ANKRD26: variants seen among roughly 807,000 people sequenced by gnomAD.
ANKRD26 encodes the protein ankyrin repeat domain 26, also known as ankyrin repeat domain-containing protein 26.
In ANKRD26, 141 loss-of-function variants were observed where a neutral mutation model predicts 208.7. That is an observed-to-expected ratio of 0.68 (90% CI 0.59 to 0.78). The LOEUF (loss-of-function observed/expected upper bound fraction) is 0.78, where lower values mean the gene tolerates loss of function less well. Among genes scored for constraint, ANKRD26 ranks in the 30% least tolerant of loss-of-function variants. ANKRD26 has a pLI of 0.00. For synonymous variants in ANKRD26, 636 were observed against 660.4 expected (o/e 0.96, Z 0.57); for missense variants, 1,889 against 1,938.7 (o/e 0.97, Z 0.48).
At position 27,024,447 on chromosome 10, in the gene ANKRD26, C is replaced by A; in HGVS notation, c.4085G>T (p.Gly1362Val). ...ATGATCTGAAATATTAAAATCTTAC[C>A]CAGTTATCTCTCTTTCTAATTCAAC... is the stretch of plus-strand genomic sequence containing the variant. ...KNVELEREITGFKNLLKMTRK... is the reference protein window; with the variant it reads ...KNVELEREITVFKNLLKMTRK... The change falls in exon 28 of 34, where the codon GGA (glycine) becomes GTA (valine). Residue 1362 changes from glycine (G) to valine (V), a missense_variant and splice_region_variant. Gly to Val is a moderately radical substitution (Grantham distance 109, BLOSUM62 -3). This residue lies in a region of ANKRD26 where 613 missense variants were observed against 648.2 expected (regional missense o/e 0.95). Coordinates refer to ENST00000376087, the MANE Select transcript of ANKRD26 (RefSeq NM_014915.3). 4 of 1,431,956 alleles carry A rather than the reference C, an allele frequency of 2.8e-6. No individual in the cohort carries two copies. Among genetic ancestry groups the A allele is most frequent in the Non-Finnish European group, 3.9e-6 (4 of 1,022,850 alleles). 88.7% of individuals were successfully genotyped at this position (1,431,956 alleles called of 1,614,324 possible).
In ANKRD26 at chr10:27,005,330, G is replaced by A. The variant is rs1030371894; in HGVS notation, c.*260C>T. 3.5e-6 allele frequency: 4 copies of A among 1,153,554 alleles called. No homozygotes were observed. The highest frequency in any genetic ancestry group is 4.3e-6 in the Non-Finnish European group (4 of 933,476). The allele number at this position is 1,153,554 out of a possible 1,614,324, so 71.5% of individuals were successfully genotyped here. On this transcript the variant is annotated 3_prime_UTR_variant, in exon 34 of 34. Transcript: ENST00000376087. ...CAATTAACTGCACTAAAGTATTAAT[G>A]ACAACTTAGTGGTTTGGCTGTTTAA... is the stretch of plus-strand genomic sequence containing the variant.
intron 20 of ANKRD26, 34 bp downstream of exon 20, chr10:27,043,392 A>T (rs1254855566): frequency 6.2e-7 from 1 of 1,606,794 alleles, no homozygotes; most frequent in Admixed American, 1.7e-5. Flanking sequence ...AATGGGATAC[A>T]TAAAAAGGCC....
At chr10:27,073,007 C>T (rs1589336434) in intron 9 of ANKRD26, among the ~76,000 whole-genome samples, 1 of 152,174 alleles carries the variant, frequency 6.6e-6, no homozygotes, top group East Asian at 1.9e-4. Flanking sequence ...TGGCAGCCCA[C>T]TGGGTGGCTA....
Position 27,080,905 on chromosome 10 carries a change from T to C in ANKRD26, c.741-1744A>G, listed in dbSNP as rs143633375. ...TCCTACCCCTGCCCTACCCTACATG[T>C]CCATGAGAAGGACATCAGAGAATTG... On this transcript the variant is annotated intron_variant, in intron 6 of 33. Coordinates refer to ENST00000376087, the MANE Select transcript of ANKRD26 (RefSeq NM_014915.3). The C allele has an allele frequency of 1.3e-4, 126 of 985,296 alleles. No individual in the cohort carries two copies. In the African/African-American group the frequency reaches 2.0e-3, roughly 16 times the overall value. The allele number at this position is 985,296 out of a possible 1,614,324, so 61.0% of individuals were successfully genotyped here.
At position 27,050,733 on chromosome 10, in the gene ANKRD26, C is replaced by T. The variant is rs951200735; in HGVS notation, c.1636-1754G>A. 3.9e-5 allele frequency among the ~76,000 whole-genome samples: 6 copies of T among 151,952 alleles called. No individual in the cohort carries two copies. The East Asian group carries it at 1.2e-3, about 29-fold the overall frequency. On this transcript the variant is annotated intron_variant, in intron 16 of 33. Coordinates refer to ENST00000376087, the MANE Select transcript of ANKRD26 (RefSeq NM_014915.3). ...TCTTTAAGAAAATAGGGAAAAAAAC[C>T]CTAGCACTTATTACCTTTCATAAGG...
At chr10:27,043,177 G>T (rs1226124880) in intron 20 of ANKRD26, among the ~76,000 whole-genome samples, 1 of 123,140 alleles carries the variant, frequency 8.1e-6, no homozygotes, top group Non-Finnish European at 1.8e-5. Flanking sequence ...AAATTAAAAT[G>T]AAAAAAAAAA....
At chr10:26,961,889 C>T in the ANKRD26 span, among the ~76,000 whole-genome samples, 2 of 152,252 alleles carry the variant, frequency 1.3e-5, no homozygotes, top group South Asian at 2.1e-4. Context: ...TGTTCAAATA[C>T]ATGCTGGTGA....
At chr10:27,039,089 TAG>T (rs1483311269) in intron 21 of ANKRD26, among the ~76,000 whole-genome samples, 2 of 152,234 alleles carry the variant, frequency 1.3e-5, no homozygotes. Flanking sequence ...ATCTGTGTAT[TAG>T]AGAGAGATCA....
downstream of ANKRD26, among the ~76,000 whole-genome samples, chr10:26,970,642 T>G (rs1382489790): frequency 6.6e-6 from 1 of 152,212 alleles, no homozygotes; most frequent in Admixed American, 6.5e-5. Flanking sequence ...TATTTCCTTA[T>G]AGCAATGCAA....
At chr10:26,992,303 A>G (rs1007509497) in intron 5 of ANKRD26, among the ~76,000 whole-genome samples, 3 of 152,044 alleles carry the variant, frequency 2.0e-5, no homozygotes, top group African/African-American at 7.2e-5. Context: ...AGAATTTTAG[A>G]GGTAAATAAG....
chr10:27,079,109 C>T lies in ANKRD26; in HGVS notation c.793G>A (p.Asp265Asn), dbSNP rs61730101. The T allele has an allele frequency of 3.5e-3, 5,718 of 1,613,576 alleles. 167 individuals carry two copies. In the African/African-American group the frequency reaches 0.061, roughly 17 times the overall value. ...TTTACCTTAGTATCAAAATTGAGGTCTTCGTCATCTGAGGTAGGCCATGAA... is the reference window on the plus strand; with the variant it reads ...TTTACCTTAGTATCAAAATTGAGGTTTTCGTCATCTGAGGTAGGCCATGAA... ...DDSWPTSDDE[D>N]LNFDTKNVPK... Residue 265 changes from aspartate (D) to asparagine (N), a missense_variant, in exon 7 of 34, where the codon GAC becomes AAC. Coordinates refer to ENST00000376087, the MANE Select transcript of ANKRD26 (RefSeq NM_014915.3).
At chr10:27,078,523 G>A (rs1197592942) in intron 7 of ANKRD26, among the ~76,000 whole-genome samples, 1 of 152,052 alleles carries the variant, frequency 6.6e-6, no homozygotes, top group Non-Finnish European at 1.5e-5. Flanking sequence ...GTATACTAAG[G>A]CACACTGAGA....
intron 15 of ANKRD26, among the ~76,000 whole-genome samples, chr10:27,059,709 G>A (rs906653665): frequency 1.3e-5 from 2 of 151,866 alleles, no homozygotes; most frequent in East Asian, 1.9e-4. Flanking sequence ...TCAGGAGTTC[G>A]AGACCAGCCT....
chr10:27,092,467 G>C lies in ANKRD26; in HGVS notation c.577C>G (p.Gln193Glu). 6.2e-7 allele frequency: 1 copy of C among 1,613,608 alleles called. No homozygotes were observed. The highest frequency in any genetic ancestry group is 1.3e-5 in the African/African-American group (1 of 74,998). ...LLLAVSGKKQ[Q>E]MVEFLIKKKA... ...TTCTTTATTAAAAATTCCACCATTTGCTGCTTTTTTCCACTTACTGCAAGT... is the reference window on the plus strand; with the variant it reads ...TTCTTTATTAAAAATTCCACCATTTCCTGCTTTTTTCCACTTACTGCAAGT... Residue 193 changes from glutamine (Q) to glutamate (E), a missense_variant, in exon 4 of 34, where the codon CAA (glutamine) becomes GAA (glutamate). Transcript: ENST00000376087.
At chr10:27,045,730 G>A (rs1042906214) in intron 18 of ANKRD26, among the ~76,000 whole-genome samples, 3 of 151,996 alleles carry the variant, frequency 2.0e-5, no homozygotes, top group Non-Finnish European at 4.4e-5. Flanking sequence ...ATTCAGTATG[G>A]CCTATATGTT....
chr10:26,985,220 G>T (rs879388883), intron 3 of ANKRD26, among the ~76,000 whole-genome samples: 1 of 152,086 alleles, frequency 6.6e-6, no homozygotes. Flanking sequence ...CATGGAGGGG[G>T]TTTCCTGGGT....
rs11813140 is a variant in ANKRD26 at position 27,046,895 on chromosome 10, G to T, written c.1815-372C>A. Among the ~76,000 whole-genome samples, 1,361 of 152,128 alleles carry T rather than the reference G, an allele frequency of 8.9e-3. 17 individuals are homozygous for T. The highest frequency in any genetic ancestry group is 0.027 in the African/African-American group (1,108 of 41,502). ...AGAGACAAAATAGAGGAGTTCATGA[G>T]ACAAAAAATGGGAGAAAACCATTCT... On this transcript the variant is annotated intron_variant, in intron 17 of 33. Transcript: ENST00000376087.
the ANKRD26 span, among the ~76,000 whole-genome samples, chr10:26,968,389 G>A: frequency 6.6e-6 from 1 of 152,150 alleles, no homozygotes. Flanking sequence ...CAAGACTGAG[G>A]TTGGCACTCT....
chr10:26,961,210 C>T, the ANKRD26 span, among the ~76,000 whole-genome samples: 10 of 119,886 alleles, frequency 8.3e-5, no homozygotes, highest in African/African-American at 2.4e-4. Context: ...AGCGAGAATC[C>T]ATCTAAAAAA....
Sources: allele counts gnomAD v4.1 joint callset (sites outside exome capture counted in the v4.1 genomes callset), GRCh38; gene constraint gnomAD v4.1.1; regional missense constraint gnomAD v4.1.1; transcripts MANE v1.5; gene names NCBI Gene and HGNC (gene_info 2026-07-23, HGNC 2026-07-21).